The following ERBB4 variants were observed in gnomAD, a reference collection of about 807,000 sequenced individuals.
ERBB4 encodes receptor tyrosine-protein kinase erbB-4.
Under a neutral mutation model 158.0 loss-of-function variants are expected in ERBB4, and 42 were observed. That is an observed-to-expected ratio of 0.27 (90% CI 0.21 to 0.34). ERBB4 has a LOEUF of 0.34. Ranked by LOEUF, ERBB4 falls within the 10% of genes least tolerant of loss-of-function variation. The pLI is 1.00. For missense variants in ERBB4, 1,333 were observed against 1,624.1 expected (o/e 0.82, Z 3.08); for synonymous variants, 583 against 558.7 (o/e 1.04, Z -0.61).
intron 1 of ERBB4, among the ~76,000 whole-genome samples, chr2:212,515,865 A>G (rs1305826505): frequency 6.6e-6 from 1 of 152,080 alleles, no homozygotes; most frequent in Non-Finnish European, 1.5e-5. Context: ...ACCTGTAAAG[A>G]TGTAACTCAA....
intron 3 of ERBB4, among the ~76,000 whole-genome samples, chr2:211,799,545 G>A (rs1488434598): frequency 1.3e-5 from 2 of 152,060 alleles, no homozygotes; most frequent in Non-Finnish European, 1.5e-5. Context: ...TATCTGCAGG[G>A]GACTGGGTAA....
At chr2:212,053,052 C>A (rs535176716) in intron 2 of ERBB4, among the ~76,000 whole-genome samples, 197 of 152,204 alleles carry the variant, frequency 1.3e-3, no homozygotes, top group Middle Eastern at 6.8e-3. Flanking sequence ...GGTGTGGTGG[C>A]TCATGCCTAA....
chr2:211,449,719 A>G (rs1334470723), intron 20 of ERBB4, among the ~76,000 whole-genome samples: 1 of 152,244 alleles, frequency 6.6e-6, no homozygotes, highest in Non-Finnish European at 1.5e-5. Flanking sequence ...GGAATGAGAA[A>G]TTGCCTACAA....
intron 1 of ERBB4, among the ~76,000 whole-genome samples, chr2:212,186,089 T>C (rs2082010011): frequency 1.3e-5 from 2 of 152,166 alleles, no homozygotes. Flanking sequence ...ACCCAAGGCA[T>C]TTTGAAGTAA....
intron 3 of ERBB4, among the ~76,000 whole-genome samples, chr2:211,845,574 G>C (rs913154991): frequency 2.0e-5 from 3 of 152,086 alleles, no homozygotes; most frequent in Admixed American, 6.6e-5. Flanking sequence ...ACAGGTTGCT[G>C]GGCTTGTGTG....
intron 2 of ERBB4, among the ~76,000 whole-genome samples, chr2:212,110,223 G>C (rs879789180): frequency 3.9e-5 from 6 of 152,170 alleles, no homozygotes; most frequent in Non-Finnish European, 5.9e-5. Flanking sequence ...AAGCTATTTG[G>C]AAAACACTGT....
chr2:211,496,887 C>T (rs140059603), intron 20 of ERBB4, among the ~76,000 whole-genome samples: 4 of 152,164 alleles, frequency 2.6e-5, no homozygotes, highest in Non-Finnish European at 5.9e-5. Context: ...GATGCCATTA[C>T]GGCCAGGCAA....
intron 1 of ERBB4, among the ~76,000 whole-genome samples, chr2:212,512,291 C>T (rs1338994200): frequency 6.6e-6 from 1 of 151,694 alleles, no homozygotes; most frequent in Non-Finnish European, 1.5e-5. Flanking sequence ...TACTTAACCT[C>T]TCTTTATATT....
chr2:212,291,938 G>A (rs974422440), intron 1 of ERBB4, among the ~76,000 whole-genome samples: 8 of 151,834 alleles, frequency 5.3e-5, no homozygotes, highest in African/African-American at 1.9e-4. Context: ...TGTAGTTTGT[G>A]GACTGTTACA....
chr2:212,218,262 C>T (rs370380343), intron 1 of ERBB4, among the ~76,000 whole-genome samples: 2 of 151,306 alleles, frequency 1.3e-5, no homozygotes, highest in South Asian at 2.1e-4. Context: ...ATCTGAAGTA[C>T]AAATTAAATT....
At chr2:212,312,384 T>TTA (rs1211689648) in intron 1 of ERBB4, among the ~76,000 whole-genome samples, 2 of 150,906 alleles carry the variant, frequency 1.3e-5, no homozygotes, top group African/African-American at 4.8e-5. Flanking sequence ...GAATTAGAAA[T>TTA]TATGCAGTTT....
At chr2:212,297,240 A>T (rs1386304688) in intron 1 of ERBB4, among the ~76,000 whole-genome samples, 1 of 152,024 alleles carries the variant, frequency 6.6e-6, no homozygotes, top group African/African-American at 2.4e-5. Flanking sequence ...AGATTATCCA[A>T]TAAAACAGTT....
chr2:212,390,418 T>G (rs1435815019), intron 1 of ERBB4, among the ~76,000 whole-genome samples: 1 of 151,822 alleles, frequency 6.6e-6, no homozygotes, highest in Non-Finnish European at 1.5e-5. Context: ...ACCTGTTATC[T>G]CTGAGGGAAT....
At chr2:211,898,507 A>G (rs887208555) in intron 3 of ERBB4, among the ~76,000 whole-genome samples, 2 of 152,208 alleles carry the variant, frequency 1.3e-5, no homozygotes, top group South Asian at 4.1e-4. Flanking sequence ...AGTAATTTGT[A>G]TAGAAGTAAT....
chr2:212,331,940 C>T (rs1180696946), intron 1 of ERBB4, among the ~76,000 whole-genome samples: 4 of 152,154 alleles, frequency 2.6e-5, no homozygotes, highest in African/African-American at 7.2e-5. Context: ...TTCCAGAAGA[C>T]TCCCCCAATC....
At chr2:212,467,026 T>C (rs1217914522) in intron 1 of ERBB4, among the ~76,000 whole-genome samples, 2 of 152,184 alleles carry the variant, frequency 1.3e-5, no homozygotes, top group Non-Finnish European at 2.9e-5. Context: ...CCTAGAGATT[T>C]GTGGAACTTT....
chr2:212,285,686 G>A (rs1392827894), intron 1 of ERBB4, among the ~76,000 whole-genome samples: 1 of 152,002 alleles, frequency 6.6e-6, no homozygotes. Context: ...TAAAAATGAG[G>A]ACTTACAATA....
intron 2 of ERBB4, among the ~76,000 whole-genome samples, chr2:212,030,376 T>C (rs2076875149): frequency 6.6e-6 from 1 of 152,154 alleles, no homozygotes; most frequent in Non-Finnish European, 1.5e-5. Flanking sequence ...CTTTTCTTGC[T>C]GCAATATAAA....
chr2:211,901,529 A>G (rs1198093946), intron 3 of ERBB4, among the ~76,000 whole-genome samples: 2 of 151,990 alleles, frequency 1.3e-5, no homozygotes, highest in Admixed American at 6.6e-5. Flanking sequence ...TTCTCATCCA[A>G]TGACTACCGA....
Sources: allele counts gnomAD v4.1 joint callset (sites outside exome capture counted in the v4.1 genomes callset), GRCh38; gene constraint gnomAD v4.1.1; transcripts MANE v1.5; gene names NCBI Gene and HGNC (gene_info 2026-07-23, HGNC 2026-07-21).